Variants in HOXA3 observed in about 807,000 individuals in gnomAD.
HOXA3 encodes the protein homeobox protein Hox-A3.
Under a neutral mutation model 30.3 loss-of-function variants are expected in HOXA3, and 8 were observed. The ratio of observed to expected loss-of-function variants is 0.26; its 90% confidence interval spans 0.15 to 0.48. HOXA3 has a LOEUF of 0.48. HOXA3 is among the 20% of genes least tolerant of loss of function. HOXA3 has a pLI of 0.99. For synonymous variants in HOXA3, 323 were observed against 273.1 expected (o/e 1.18, Z -1.80); for missense variants, 653 against 614.4 (o/e 1.06, Z -0.66).
rs773201682 is a variant in HOXA3, at chr7:27,108,017, G to T, written c.1230C>A (p.His410Gln). ...GAGPLGSGHH[H>Q]GPGPGEPHPT... ...GGTGCGGCTCCCCAGGCCCCGGCCC[G>T]TGGTGGTGGCCGCTGCCCAGCGGCC... Residue 410 changes from histidine to glutamine, a missense_variant, in exon 6 of 6, where the codon CAC becomes CAA. His to Gln is a conservative substitution (Grantham distance 24). Transcript: ENST00000612286. This position sits in a 1 kb window ranked among gnomAD's most constrained non-coding sequence, Gnocchi z 5.0. The T allele has an allele frequency of 2.5e-6, 4 of 1,612,780 alleles. No individual in the cohort carries two copies. The highest frequency in any genetic ancestry group is 2.2e-5 in the East Asian group (1 of 44,828).
chr7:27,147,798 G>T, intron 1 of HOXA3: 1 of 1,499,386 alleles, frequency 6.7e-7, no homozygotes, highest in Non-Finnish European at 9.0e-7. Context: ...TAGTACATCT[G>T]GCTATAACTA....
chr7:27,124,287 A>C (rs940475136), intron 3 of HOXA3: 1 of 152,130 alleles, frequency 6.6e-6, no homozygotes, highest in South Asian at 2.1e-4. Context: ...GAACGCCGGG[A>C]AAATTGAACA....
rs1171756833 is a variant in HOXA3, at chr7:27,122,583, C to T, written c.-145G>A. 1.3e-5 allele frequency: 2 copies of T among 152,194 alleles called. No homozygotes were observed. The highest frequency in any genetic ancestry group is 4.8e-5 in the African/African-American group (2 of 41,460). 9.4% of individuals were successfully genotyped at this position (152,194 alleles called of 1,614,324 possible). On this transcript the variant is annotated 5_prime_UTR_variant, in exon 4 of 6. Transcript: ENST00000612286. ...CCTAGAAAGATGTTTAAATTCTGAA[C>T]CAGGAATTGTCTCCAACTCCAGGCG...
intron 2 of HOXA3, chr7:27,128,483 T>C (rs185667890): frequency 6.6e-6 from 1 of 152,408 alleles, no homozygotes; most frequent in East Asian, 1.9e-4. Context: ...TTTTGTTTTC[T>C]TAATGAAAAG....
intron 1 of HOXA3, chr7:27,147,603 G>C (rs771463001): frequency 6.2e-7 from 1 of 1,614,114 alleles, no homozygotes; most frequent in South Asian, 1.1e-5. Context: ...TGTACGTCTT[G>C]TCCGGGAGAC....
chr7:27,143,048 T>C (rs1385186284), intron 1 of HOXA3: 62 of 1,509,348 alleles, frequency 4.1e-5, no homozygotes, highest in Non-Finnish European at 5.4e-5. Context: ...GGCTTTACCA[T>C]GACTTATGTG....
At chr7:27,145,718 G>C in intron 1 of HOXA3, 1 of 1,614,220 alleles carries the variant, frequency 6.2e-7, no homozygotes, top group Non-Finnish European at 8.5e-7. Context: ...TGATGAGCTT[G>C]TTTTCCTTTT....
At chr7:27,112,789 A>G (rs1363067964) in intron 4 of HOXA3, among the ~76,000 whole-genome samples, 1 of 151,302 alleles carries the variant, frequency 6.6e-6, no homozygotes, top group African/African-American at 2.4e-5. Context: ...AACAAAATTA[A>G]GCTGATTTTG....
chr7:27,140,142 T>G lies in HOXA3; in HGVS notation c.-449A>C, dbSNP rs1350640026. The stretch of plus-strand genomic sequence containing the variant: ...TGAGAACTTGTGGTTTGGACACTTC[T>G]GGACCTAAAATTGACAGTTTGAATG... On this transcript the variant is annotated 5_prime_UTR_variant, in exon 2 of 6. Transcript: ENST00000612286. 6 of 152,172 alleles carry G rather than the reference T, an allele frequency of 3.9e-5. No individual in the cohort carries two copies. The highest frequency in any genetic ancestry group is 3.9e-4 in the Admixed American group (6 of 15,284). 9.4% of individuals were successfully genotyped at this position (152,172 alleles called of 1,614,324 possible). A position where few individuals can be genotyped will look rare whatever the true frequency, so the allele number is the denominator to read the frequency against.
At chr7:27,110,983 GAGA>G (rs67355882) in intron 4 of HOXA3, among the ~76,000 whole-genome samples, 28,233 of 152,174 alleles carry the variant, frequency 0.19, 3,244 homozygotes, top group South Asian at 0.3. Context: ...ATTTTCCGGG[GAGA>G]AGGAGAATGA....
At chr7:27,150,208 G>A (rs372548417) in intron 1 of HOXA3, 2 of 151,720 alleles carry the variant, frequency 1.3e-5, no homozygotes, top group East Asian at 1.9e-4. Flanking sequence ...GGCAAGAATA[G>A]GCACCCCAGA....
chr7:27,143,296 G>A (rs1481016847), intron 1 of HOXA3: 2 of 1,602,610 alleles, frequency 1.2e-6, no homozygotes, highest in Non-Finnish European at 1.7e-6. Context: ...GGGCCACGGC[G>A]GAGCAGGGCA....
At chr7:27,137,152 C>T (rs945035589) in intron 2 of HOXA3, among the ~76,000 whole-genome samples, 2 of 152,128 alleles carry the variant, frequency 1.3e-5, no homozygotes, top group African/African-American at 2.4e-5. Context: ...CTAATTATTT[C>T]GATATAATAC....
chr7:27,138,625 C>G (rs1314312106), intron 2 of HOXA3, among the ~76,000 whole-genome samples: 8 of 152,258 alleles, frequency 5.3e-5, no homozygotes, highest in African/African-American at 1.7e-4. Flanking sequence ...GGCCACAGTC[C>G]CCAGTCACTG....
chr7:27,108,875 T>C lies in HOXA3; in HGVS notation c.527-155A>G, dbSNP rs2128038707. 6.6e-6 allele frequency among the ~76,000 whole-genome samples: 1 copy of C among 151,836 alleles called. No homozygotes were observed. The highest frequency in any genetic ancestry group is 2.1e-4 in the South Asian group (1 of 4,808). On this transcript the variant is annotated intron_variant, in intron 5 of 5. Transcript: ENST00000612286. The surrounding 1 kb of genome is among the most constrained non-coding windows in gnomAD (Gnocchi z 5.0). ...AGGAACTAGGTGCTATCCTCTCTCC[T>C]GGTGGGTAAAACAGTGATACTCCCT...
intron 1 of HOXA3, chr7:27,143,236 G>C: frequency 1.9e-6 from 3 of 1,609,528 alleles, no homozygotes; most frequent in Non-Finnish European, 2.5e-6. Context: ...CGCCGCTGGA[G>C]TTGCTTAGGG....
chr7:27,130,634 C>A lies in HOXA3; in HGVS notation c.-389-3564G>T, dbSNP rs768519475. The stretch of plus-strand genomic sequence containing the variant: ...TAGCCGGGGCCCCCGCCCGGGCCGC[C>A]GTCTGCGCCGCCCGAGCCGCTGTGC... On this transcript the variant is annotated intron_variant, in intron 2 of 5. Coordinates refer to ENST00000612286, the MANE Select transcript of HOXA3 (RefSeq NM_153631.3). 6 of 1,585,218 alleles carry A rather than the reference C, an allele frequency of 3.8e-6. No individual in the cohort carries two copies. The highest frequency in any genetic ancestry group is 1.7e-4 in the Middle Eastern group (1 of 5,920).
rs1178948957 is a variant in HOXA3, at chr7:27,152,343, G to A, written c.-549C>T. On this transcript the variant is annotated 5_prime_UTR_variant, in exon 1 of 6. Coordinates refer to ENST00000612286, the MANE Select transcript of HOXA3 (RefSeq NM_153631.3). ...CCCTCTGACAGCTGTCGCTTGGGCA[G>A]CCCGAGAGAAGAATTGTCCTCTTTC... The A allele has an allele frequency of 3.1e-5, 39 of 1,248,244 alleles. No individual in the cohort carries two copies. The highest frequency in any genetic ancestry group is 5.6e-5 in the Admixed American group (2 of 35,478). The allele number at this position is 1,248,244 out of a possible 1,614,324, so 77.3% of individuals were successfully genotyped here.
At chr7:27,112,685 G>T (rs1194038435) in intron 4 of HOXA3, among the ~76,000 whole-genome samples, 1 of 152,198 alleles carries the variant, frequency 6.6e-6, no homozygotes, top group Non-Finnish European at 1.5e-5. Context: ...CAGTGTCAAT[G>T]TCTGCCATTA....
Sources: gnomAD v4.1 joint callset for allele counts (sites outside exome capture counted in the v4.1 genomes callset) on GRCh38, gnomAD v4.1.1 for gene constraint, Gnocchi (gnomAD v3.1) non-coding constraint, MANE v1.5 for transcripts, NCBI Gene and HGNC (gene_info 2026-07-23, HGNC 2026-07-21) for gene names.